PRELID2: variants seen among roughly 807,000 people sequenced by gnomAD.
The protein encoded by PRELID2 is PRELI domain-containing protein 2.
PRELID2 carries 25 observed loss-of-function variants against 28.4 expected under a neutral mutation model. The observed-to-expected ratio is 0.88, with a 90% confidence interval of 0.64 to 1.23. The LOEUF is 1.23. PRELID2 is among the 50% of genes most tolerant of loss of function. PRELID2 has a pLI of 0.00. For missense variants in PRELID2, 201 were observed against 214.4 expected, an observed-to-expected ratio of 0.94 and a Z score of 0.39; for synonymous variants, 76 against 71.6, an observed-to-expected ratio of 1.06 and a Z score of -0.31.
At chr5:145,518,477 C>A (rs888200522) in intron 1 of PRELID2, among the ~76,000 whole-genome samples, 1 of 152,076 alleles carries the variant, frequency 6.6e-6, no homozygotes, top group Non-Finnish European at 1.5e-5. Flanking sequence ...GGATTACAGG[C>A]GTGAACCACC....
the PRELID2 span, among the ~76,000 whole-genome samples, chr5:145,237,506 T>C: frequency 2.0e-5 from 3 of 152,036 alleles, no homozygotes; most frequent in South Asian, 6.2e-4. Flanking sequence ...ACAGGGAAAA[T>C]TGGCATAATC....
chr5:145,821,517 G>C (rs1450533687), intron 2 of PRELID2, among the ~76,000 whole-genome samples: 2 of 152,206 alleles, frequency 1.3e-5, no homozygotes, highest in Non-Finnish European at 2.9e-5. Context: ...GGCAGAGGCA[G>C]AGAAAAGAAT....
At chr5:145,333,278 C>T in the PRELID2 span, among the ~76,000 whole-genome samples, 1 of 152,198 alleles carries the variant, frequency 6.6e-6, no homozygotes, top group African/African-American at 2.4e-5. Flanking sequence ...CAGTCTGTCC[C>T]TTAGCAGAGC....
the PRELID2 span, among the ~76,000 whole-genome samples, chr5:145,288,115 TATTA>T: frequency 6.6e-6 from 1 of 152,122 alleles, no homozygotes; most frequent in African/African-American, 2.4e-5. Context: ...GCTGAGGTAC[TATTA>T]GTTTCCTACA....
chr5:145,596,744 T>C (rs181345900), intron 1 of PRELID2, among the ~76,000 whole-genome samples: 1 of 152,292 alleles, frequency 6.6e-6, no homozygotes, highest in African/African-American at 2.4e-5. Flanking sequence ...GTGTCTTGAC[T>C]TTAAGAGAAG....
intron 1 of PRELID2, among the ~76,000 whole-genome samples, chr5:145,616,389 G>A (rs1753697778): frequency 6.6e-6 from 1 of 152,160 alleles, no homozygotes; most frequent in East Asian, 1.9e-4. Flanking sequence ...TTCTTAGGTT[G>A]GTATCAGGGG....
intron 1 of PRELID2, among the ~76,000 whole-genome samples, chr5:145,517,847 T>C (rs2126646711): frequency 6.6e-6 from 1 of 152,174 alleles, no homozygotes; most frequent in Admixed American, 6.5e-5. Context: ...TGCAGGGACA[T>C]GGATGAAGGT....
At chr5:145,766,004 C>T (rs755200167) in intron 5 of PRELID2, among the ~76,000 whole-genome samples, 24 of 152,184 alleles carry the variant, frequency 1.6e-4, no homozygotes, top group Non-Finnish European at 2.4e-4. Context: ...ACTGTCCATA[C>T]CCACCTATCT....
chr5:145,558,202 G>T (rs1037731519), intron 1 of PRELID2, among the ~76,000 whole-genome samples: 1 of 152,282 alleles, frequency 6.6e-6, no homozygotes, highest in African/African-American at 2.4e-5. Context: ...TTGTTTAAAA[G>T]AAATGAGATA....
chr5:145,411,396 T>C, the PRELID2 span, among the ~76,000 whole-genome samples: 1 of 152,120 alleles, frequency 6.6e-6, no homozygotes, highest in Non-Finnish European at 1.5e-5. Context: ...CAAGATGAGA[T>C]TTGGGTGGGG....
intron 1 of PRELID2, among the ~76,000 whole-genome samples, chr5:145,476,661 T>A (rs383149): frequency 0.86 from 129,540 of 150,548 alleles, 55,695 homozygotes; most frequent in African/African-American, 0.91. Flanking sequence ...CTTAAAAAAA[T>A]AAAAATTTAT....
intron 1 of PRELID2, among the ~76,000 whole-genome samples, chr5:145,707,682 C>G (rs998056910): frequency 6.6e-6 from 1 of 152,148 alleles, no homozygotes; most frequent in Non-Finnish European, 1.5e-5. Flanking sequence ...TCTGAACGAA[C>G]ACTGAGAAAT....
intron 1 of PRELID2, among the ~76,000 whole-genome samples, chr5:145,654,196 C>T (rs969453346): frequency 2.6e-5 from 4 of 152,050 alleles, no homozygotes; most frequent in African/African-American, 9.7e-5. Flanking sequence ...AAGACTAAAC[C>T]AGGAAGAACT....
At chr5:145,284,607 G>T in the PRELID2 span, among the ~76,000 whole-genome samples, 4 of 151,942 alleles carry the variant, frequency 2.6e-5, no homozygotes, top group African/African-American at 4.8e-5. Context: ...TTCAACTTTA[G>T]AAAACAAATC....
At chr5:145,261,964 A>G in the PRELID2 span, among the ~76,000 whole-genome samples, 2 of 152,192 alleles carry the variant, frequency 1.3e-5, no homozygotes, top group Admixed American at 1.3e-4. Context: ...CTATGAATGG[A>G]AAAATCTCCA....
chr5:145,336,546 CTTGT>C, the PRELID2 span, among the ~76,000 whole-genome samples: 2 of 152,024 alleles, frequency 1.3e-5, no homozygotes, highest in African/African-American at 4.8e-5. Context: ...TTCCCCATTG[CTTGT>C]TTTTCTCAGG....
chr5:145,566,119 G>C (rs28377159), intron 1 of PRELID2, among the ~76,000 whole-genome samples: 5,876 of 152,230 alleles, frequency 0.039, 234 homozygotes, highest in African/African-American at 0.097. Flanking sequence ...ATACCACGCA[G>C]GTTACTAAGC....
chr5:145,245,778 A>G, the PRELID2 span, among the ~76,000 whole-genome samples: 1 of 152,088 alleles, frequency 6.6e-6, no homozygotes, highest in Non-Finnish European at 1.5e-5. Flanking sequence ...AGTTGTGTGA[A>G]TTTGGGTATT....
At chr5:145,421,311 C>T in the PRELID2 span, among the ~76,000 whole-genome samples, 2 of 149,002 alleles carry the variant, frequency 1.3e-5, no homozygotes, top group East Asian at 2.0e-4. Flanking sequence ...AGGAATGGTA[C>T]CAGTTCCTCC....
Sources: allele counts gnomAD v4.1 joint callset (sites outside exome capture counted in the v4.1 genomes callset), GRCh38; gene constraint gnomAD v4.1.1; transcripts MANE v1.5; gene names NCBI Gene and HGNC (gene_info 2026-07-23, HGNC 2026-07-21).